Variants in LTA4H observed in about 807,000 individuals in gnomAD.
The protein encoded by LTA4H is leukotriene A-4 hydrolase.
A neutral mutation model predicts 89.8 loss-of-function variants in LTA4H; 59 were observed. The ratio of observed to expected loss-of-function variants is 0.66; its 90% CI spans 0.53 to 0.82. The LOEUF (loss-of-function observed/expected upper bound fraction) is 0.82, where lower values mean the gene tolerates loss of function less well. Ranked by LOEUF, LTA4H falls within the 40% of genes least tolerant of loss-of-function variation. The pLI is 0.00. For synonymous variants in LTA4H, 227 were observed against 253.1 expected (o/e 0.90, Z 0.98); for missense variants, 617 against 727.0 (o/e 0.85, Z 1.74).
upstream of LTA4H, chr12:96,035,684 A>T: frequency 7.1e-7 from 1 of 1,417,024 alleles, no homozygotes; most frequent in Non-Finnish European, 9.3e-7. Context: ...GCGTTGGGGG[A>T]TGGGTGAAGG....
intron 1 of LTA4H, among the ~76,000 whole-genome samples, chr12:96,034,842 G>A (rs1180856380): frequency 6.6e-6 from 1 of 152,224 alleles, no homozygotes; most frequent in Non-Finnish European, 1.5e-5. Context: ...ATCAGGGATC[G>A]ACAGGACATG....
At chr12:96,023,793 A>G (rs1353725667) in intron 4 of LTA4H, among the ~76,000 whole-genome samples, 1 of 152,242 alleles carries the variant, frequency 6.6e-6, no homozygotes, top group Non-Finnish European at 1.5e-5. Flanking sequence ...CTAGGCTTAT[A>G]TGGCTACAGA....
At chr12:96,037,979 C>T (rs1950663010), upstream of LTA4H, among the ~76,000 whole-genome samples, 1 of 152,064 alleles carries the variant, frequency 6.6e-6, no homozygotes, top group Non-Finnish European at 1.5e-5. Flanking sequence ...CGTGAGCCAC[C>T]GCGCCCGGCC....
intron 6 of LTA4H, among the ~76,000 whole-genome samples, chr12:96,019,910 T>G (rs1049940946): frequency 4.0e-5 from 6 of 151,004 alleles, no homozygotes; most frequent in African/African-American, 9.7e-5. Context: ...TTTTTTTTTT[T>G]TTTTTTTTTA....
chr12:96,023,945 TTTGAGACGGAGTCTGGC>T (rs1670666326), intron 4 of LTA4H, among the ~76,000 whole-genome samples: 2 of 152,074 alleles, frequency 1.3e-5, no homozygotes, highest in African/African-American at 2.4e-5. Flanking sequence ...GGGTTTTTTT[TTTGAGACGGAGTCTGGC>T]TCTGTCGCCC....
chr12:96,021,250 A>G, intron 5 of LTA4H, 113 bp from the exon 6 acceptor site: 1 of 696,814 alleles, frequency 1.4e-6, no homozygotes, highest in East Asian at 3.3e-5. Context: ...ATCTCCTAAT[A>G]TTAGTAGGGA....
chr12:96,021,543 T>G (rs889050545), intron 5 of LTA4H, among the ~76,000 whole-genome samples: 1 of 152,152 alleles, frequency 6.6e-6, no homozygotes, highest in Non-Finnish European at 1.5e-5. Flanking sequence ...TTCAAAGCAC[T>G]ATTGGCATGT....
upstream of LTA4H, among the ~76,000 whole-genome samples, chr12:96,037,692 C>CCTTTT (rs1566021042): frequency 1.8e-5 from 2 of 114,192 alleles, 1 homozygote; most frequent in Non-Finnish European, 3.4e-5. Flanking sequence ...ATTGAGAAAG[C>CCTTTT]TTTTTTTTTT....
intron 5 of LTA4H, among the ~76,000 whole-genome samples, chr12:96,021,660 TAAG>T (rs1950453938): frequency 7.2e-6 from 1 of 138,888 alleles, no homozygotes; most frequent in Non-Finnish European, 1.5e-5. Context: ...TGAGGTCAAT[TAAG>T]AAAACACACA....
In LTA4H at chr12:96,018,812, T is replaced by A; in HGVS notation, c.803A>T (p.Tyr268Phe). 1 of 1,604,322 alleles carries A rather than the reference T, an allele frequency of 6.2e-7. No individual in the cohort carries two copies. The highest frequency in any genetic ancestry group is 8.5e-7 in the Non-Finnish European group (1 of 1,176,674). The stretch of plus-strand genomic sequence containing the variant: ...AAGGCAAGGATTCTCCATGCCACCA[T>A]AAGGGAAGGATGGTGGCAGGACCAA... ...DLLVLPPSFPYGGMENPCLTF... is the reference protein window; with the variant it reads ...DLLVLPPSFPFGGMENPCLTF... Residue 268 changes from tyrosine (Y) to phenylalanine (F), a missense_variant, in exon 8 of 19, where the codon TAT (tyrosine) becomes TTT (phenylalanine). Tyr to Phe is a conservative substitution (Grantham distance 22, BLOSUM62 3). Around this residue, in one of 3 missense-constraint regions of LTA4H, gnomAD observed 172 missense variants for 244.5 expected, o/e 0.70. Transcript: ENST00000228740.
chr12:96,005,141 C>T (rs1202233478), intron 16 of LTA4H, among the ~76,000 whole-genome samples: 4 of 152,116 alleles, frequency 2.6e-5, no homozygotes, highest in Admixed American at 6.5e-5. Flanking sequence ...CAACTCCTTT[C>T]GGTTTCATCT....
chr12:96,009,239 T>G, intron 14 of LTA4H, 91 bp from the exon 15 acceptor site: 1 of 831,460 alleles, frequency 1.2e-6, no homozygotes, highest in Non-Finnish European at 2.0e-6. Flanking sequence ...AATTTCAAAG[T>G]CCCTTTTAAA....
intron 1 of LTA4H, among the ~76,000 whole-genome samples, chr12:96,034,899 G>A (rs2136923010): frequency 6.6e-6 from 1 of 152,370 alleles, no homozygotes; most frequent in Middle Eastern, 3.4e-3. Context: ...GGTGCCCAGG[G>A]GGCTGGGAAA....
chr12:96,005,534 A>AC (rs1469909324), intron 16 of LTA4H, among the ~76,000 whole-genome samples: 1 of 151,966 alleles, frequency 6.6e-6, no homozygotes, highest in African/African-American at 2.4e-5. Flanking sequence ...TGACTTCCTT[A>AC]CCCAGTGCTA....
rs751354551 is a variant in LTA4H at position 96,014,927 on chromosome 12, C to A, written c.1132G>T (p.Ala378Ser). Residue 378 changes from alanine to serine, a missense_variant, in exon 12 of 19, where the codon GCT (alanine) becomes TCT (serine). Coordinates refer to ENST00000228740, the MANE Select transcript of LTA4H (RefSeq NM_000895.3). ...TTCTCATAGGGAACTGAAGAATAAG[C>A]TACATCAGGGTCTATATCTGTCAGA... is the stretch of plus-strand genomic sequence containing the variant. ...VDLTDIDPDV[A>S]YSSVPYEKGF... 1 of 1,613,676 alleles carries A rather than the reference C, an allele frequency of 6.2e-7. No individual in the cohort carries two copies. Among genetic ancestry groups the A allele is most frequent in the South Asian group, 1.1e-5 (1 of 91,060 alleles).
At position 96,034,893 on chromosome 12, in the gene LTA4H, C is replaced by T. The variant is rs56222611; in HGVS notation, c.159+468G>A. Among the ~76,000 whole-genome samples the T allele has an allele frequency of 2.0e-3, 311 of 152,302 alleles. 2 individuals carry two copies. Among genetic ancestry groups the T allele is most frequent in the African/African-American group, 6.7e-3 (280 of 41,558 alleles). On this transcript the variant is annotated intron_variant, in intron 1 of 18. Transcript: ENST00000228740. ...GTGAGATTGTTGACTGAGGAAGGTG[C>T]CCAGGGGGCTGGGAAAAGTCTGGGG...
chr12:96,029,178 T>G lies in LTA4H; in HGVS notation c.167A>C (p.Asp56Ala). Residue 56 changes from aspartate (D) to alanine (A), a missense_variant, in exon 2 of 19, where the codon GAT (aspartate) becomes GCT (alanine). Asp to Ala is a moderately radical substitution (Grantham distance 126). Transcript: ENST00000228740. Reference sequence around the variant, plus strand: ...TTTTTCTATTGTAAGGTCCTTTGTATCCAAAACCTAAAATTAATATTTTTA... The same window carrying G: ...TTTTTCTATTGTAAGGTCCTTTGTAGCCAAAACCTAAAATTAATATTTTTA... ...QEDNLRSLVL[D>A]TKDLTIEKVV... 1 of 1,512,122 alleles carries G rather than the reference T, an allele frequency of 6.6e-7. No individual in the cohort carries two copies. 93.7% of individuals were successfully genotyped at this position (1,512,122 alleles called of 1,614,324 possible).
chr12:96,038,218 G>T (rs972306204), upstream of LTA4H, among the ~76,000 whole-genome samples: 1 of 152,042 alleles, frequency 6.6e-6, no homozygotes, highest in Non-Finnish European at 1.5e-5. Flanking sequence ...ACGAAATTTA[G>T]CTCCAGCAAC....
intron 12 of LTA4H, chr12:96,014,081 T>A (rs1950342595): frequency 2.7e-6 from 1 of 374,898 alleles, no homozygotes; most frequent in East Asian, 4.8e-5. Context: ...GAAATTCTAA[T>A]TATAGGTAAG....
Sources: allele counts gnomAD v4.1 joint callset (sites outside exome capture counted in the v4.1 genomes callset), GRCh38; gene constraint gnomAD v4.1.1; regional missense constraint gnomAD v4.1.1; transcripts MANE v1.5; gene names NCBI Gene and HGNC (gene_info 2026-07-23, HGNC 2026-07-21).